The following SP110 variants were observed in gnomAD, a reference collection of about 807,000 sequenced individuals.
SP110 encodes SP110 nuclear body protein, also known as interferon-induced protein 41, 30kD.
In SP110, 62 loss-of-function variants were observed where a neutral mutation model predicts 92.7. The observed-to-expected ratio is 0.67, with a 90% CI of 0.55 to 0.83. SP110 has a LOEUF of 0.83. Among genes scored for constraint, SP110 ranks in the 40% least tolerant of loss-of-function variants. SP110 has a pLI of 0.00. For missense variants in SP110, 793 were observed against 863.9 expected, an observed-to-expected ratio of 0.92 and a Z score of 1.03; for synonymous variants, 273 against 305.3, an observed-to-expected ratio of 0.89 and a Z score of 1.10.
At chr2:230,189,764 A>G (rs1328236305) in intron 10 of SP110, among the ~76,000 whole-genome samples, 2 of 151,386 alleles carry the variant, frequency 1.3e-5, no homozygotes, top group Admixed American at 6.6e-5. Context: ...TCAATGATCA[A>G]CTCCCACTTA....
upstream of SP110, among the ~76,000 whole-genome samples, chr2:230,223,039 C>CTTT (rs34477714): frequency 7.3e-6 from 1 of 136,774 alleles, no homozygotes; most frequent in Non-Finnish European, 1.6e-5. Flanking sequence ...ATCAGTCTGA[C>CTTT]TTTTTTTTTT....
At chr2:230,196,333 G>A (rs930055507) in intron 10 of SP110, among the ~76,000 whole-genome samples, 8 of 151,880 alleles carry the variant, frequency 5.3e-5, no homozygotes, top group African/African-American at 7.2e-5. Context: ...AACAAATTGC[G>A]GTGAATCATA....
Position 230,186,005 on chromosome 2 carries a change from G to C in SP110, c.1268C>G (p.Ser423Cys), listed in dbSNP as rs556856317. 6.2e-7 allele frequency: 1 copy of C among 1,613,986 alleles called. No individual in the cohort carries two copies. Among genetic ancestry groups the C allele is most frequent in the African/African-American group, 1.3e-5 (1 of 74,992 alleles). ...ATCATTAGCCTTACCTTTCAATCTG[G>C]ACTTTCGGGCACATTTAGTTCTTGC... ...QKARTKCARK[S>C]RLKEKKKEKD... Residue 423 changes from serine to cysteine, a missense_variant, in exon 11 of 19, where the codon TCC becomes TGC. Physicochemically the swap from Ser to Cys is moderately radical, Grantham distance 112 (BLOSUM62 -1). Coordinates refer to ENST00000258381, the MANE Select transcript of SP110 (RefSeq NM_080424.4).
intron 10 of SP110, among the ~76,000 whole-genome samples, chr2:230,196,033 A>G (rs2042856816): frequency 6.6e-6 from 1 of 152,192 alleles, no homozygotes; most frequent in African/African-American, 2.4e-5. Context: ...CATTGTTTGG[A>G]TGTTAAGGAT....
intron 9 of SP110, among the ~76,000 whole-genome samples, chr2:230,201,890 G>C (rs1028024535): frequency 2.0e-5 from 3 of 152,184 alleles, no homozygotes; most frequent in African/African-American, 7.2e-5. Context: ...TGTTGGTGTA[G>C]TATTAAAGGT....
chr2:230,180,448 C>T (rs1261328193), intron 12 of SP110, among the ~76,000 whole-genome samples: 10 of 130,606 alleles, frequency 7.7e-5, no homozygotes, highest in East Asian at 2.3e-4. Flanking sequence ...GGAGATGGGG[C>T]GGTGGGAGGA....
At chr2:230,181,903 A>G (rs745830287) in intron 12 of SP110, among the ~76,000 whole-genome samples, 2 of 152,232 alleles carry the variant, frequency 1.3e-5, no homozygotes, top group African/African-American at 4.8e-5. Context: ...GCAATTCCTC[A>G]AAGACCTAGA....
rs199636601 is a variant in SP110 at position 230,183,567 on chromosome 2, C to T, written c.1348+5G>A. On this transcript the variant is annotated splice_donor_5th_base_variant and intron_variant, in intron 12 of 18. Transcript: ENST00000258381. The stretch of plus-strand genomic sequence containing the variant: ...GTGGGGAGGCGCTGTGGCTTGCTTG[C>T]TTACCTCTTCGGTGAATATTTTTCT... 8 of 1,605,868 alleles carry T rather than the reference C, an allele frequency of 5.0e-6. No homozygotes were observed. In the East Asian group the frequency reaches 1.8e-4, roughly 36 times the overall value.
rs1331247059 is a variant in SP110, at chr2:230,212,970, G to C, written c.374C>G (p.Thr125Ser). Residue 125 changes from threonine (T) to serine (S), a missense_variant, in exon 4 of 19, where the codon ACT (threonine) becomes AGT (serine). Transcript: ENST00000258381. Reference protein sequence around the residue: ...RDTPILLEAPTGLAEGSSLHT... With the variant: ...RDTPILLEAPSGLAEGSSLHT... ...GAGGGAGCTTCCTTCTGCTAGGCCAGTTGGGGCTTCAAGTAGGATTGGTGT... is the reference window on the plus strand; with the variant it reads ...GAGGGAGCTTCCTTCTGCTAGGCCACTTGGGGCTTCAAGTAGGATTGGTGT... The C allele has an allele frequency of 6.2e-7, 1 of 1,614,112 alleles. No individual in the cohort carries two copies. The highest frequency in any genetic ancestry group is 8.5e-7 in the Non-Finnish European group (1 of 1,179,998).
At chr2:230,215,206 C>T (rs1334323148) in intron 2 of SP110, 88 bp from the exon 3 acceptor site, 1 of 1,020,640 alleles carries the variant, frequency 9.8e-7, no homozygotes, top group Non-Finnish European at 1.5e-6. Flanking sequence ...TTTAAGAAAG[C>T]TACCTTACTC....
intron 10 of SP110, among the ~76,000 whole-genome samples, chr2:230,194,550 A>G (rs971505115): frequency 7.2e-5 from 11 of 152,256 alleles, no homozygotes; most frequent in Non-Finnish European, 1.5e-4. Context: ...CAGAGGAACC[A>G]GAAAAATGCA....
chr2:230,190,667 T>C (rs79889302), intron 10 of SP110, among the ~76,000 whole-genome samples: 2 of 62,004 alleles, frequency 3.2e-5, no homozygotes, highest in South Asian at 3.9e-4. Flanking sequence ...TTCAGTTTTC[T>C]TCTAGGGTTT....
At chr2:230,221,564 G>A (rs987057607), upstream of SP110, 9 of 855,732 alleles carry the variant, frequency 1.1e-5, no homozygotes, top group Admixed American at 8.2e-5. Flanking sequence ...GGAAGCCACA[G>A]CCAGGAAAAA....
At chr2:230,174,184 T>G (rs1254929002) in intron 14 of SP110, 1 of 152,236 alleles carries the variant, frequency 6.6e-6, no homozygotes, top group African/African-American at 2.4e-5. Context: ...CACACCAATT[T>G]CTGGCCATTG....
Position 230,183,601 on chromosome 2 carries a change from C to T in SP110, c.1319G>A (p.Arg440Lys), listed in dbSNP as rs201014289. Residue 440 changes from arginine to lysine, a missense_variant, in exon 12 of 19, where the codon AGG becomes AAG. Physicochemically the swap from Arg to Lys is conservative, Grantham distance 26. Coordinates refer to ENST00000258381, the MANE Select transcript of SP110 (RefSeq NM_080424.4). The stretch of plus-strand genomic sequence containing the variant: ...TCGGTGAATATTTTTCTGAAATCTC[C>T]TTTTTGAGCTTGAACAGATATCTTT... Reference protein sequence around the residue: ...KEKDICSSSKRRFQKNIHRRG... With the variant: ...KEKDICSSSKKRFQKNIHRRG... 8.8e-5 allele frequency: 142 copies of T among 1,608,440 alleles called. 1 individual carries two copies. The highest frequency in any genetic ancestry group is 1.1e-4 in the Non-Finnish European group (135 of 1,174,778).
intron 8 of SP110, 51 bp downstream of exon 8, chr2:230,207,940 C>G (rs779866381): frequency 1.1e-6 from 1 of 873,784 alleles, no homozygotes; most frequent in African/African-American, 1.7e-5. Flanking sequence ...ACCTACAAGC[C>G]CTGCATGAGC....
chr2:230,169,131 A>C lies in SP110; in HGVS notation c.2135T>G (p.Leu712Arg), dbSNP rs757369735. 2.8e-5 allele frequency: 45 copies of C among 1,604,924 alleles called. No homozygotes were observed. Among genetic ancestry groups the C allele is most frequent in the Non-Finnish European group, 3.8e-5 (44 of 1,171,866 alleles). Reference protein sequence around the residue: ...HEANDGGFWTLP With the variant: ...HEANDGGFWTRP Reference sequence around the variant, plus strand: ...AGTCTTTACAGAACAGGGTCAAGGAAGAGTCCAGAAACCGCCGTCATTGGC... The same window carrying C: ...AGTCTTTACAGAACAGGGTCAAGGACGAGTCCAGAAACCGCCGTCATTGGC... The change falls in exon 19 of 19, where the codon CTT (leucine) becomes CGT (arginine). Residue 712 changes from leucine to arginine, a missense_variant. Physicochemically the swap from Leu to Arg is moderately radical, Grantham distance 102. Transcript: ENST00000258381.
chr2:230,198,846 C>G (rs976843560), intron 10 of SP110, among the ~76,000 whole-genome samples: 1 of 152,184 alleles, frequency 6.6e-6, no homozygotes, highest in South Asian at 2.1e-4. Flanking sequence ...GATCCACCCA[C>G]CTCGGCCTCC....
In SP110 at chr2:230,165,826, A is replaced by T. The variant is rs2078302305; in HGVS notation, c.*3298T>A. On this transcript the variant is annotated 3_prime_UTR_variant, in exon 19 of 19. Transcript: ENST00000258381. ...ATAGAAGGCAGAAGAAAAAAAATAG[A>T]CAAAAATAACATTAAAACATTAAAA... is the stretch of plus-strand genomic sequence containing the variant. Among the ~76,000 whole-genome samples, 1 of 152,136 alleles carries T rather than the reference A, an allele frequency of 6.6e-6. No individual in the cohort carries two copies. Among genetic ancestry groups the T allele is most frequent in the Non-Finnish European group, 1.5e-5 (1 of 68,020 alleles).
Sources: gnomAD v4.1 joint callset for allele counts (sites outside exome capture counted in the v4.1 genomes callset) on GRCh38, gnomAD v4.1.1 for gene constraint, MANE v1.5 for transcripts, NCBI Gene and HGNC (gene_info 2026-07-23, HGNC 2026-07-21) for gene names.